The following RBMS2 variants were observed in gnomAD, a reference collection of about 807,000 sequenced individuals.
RBMS2 encodes the protein RNA binding motif single stranded interacting protein 2, also known as RNA-binding motif, single-stranded-interacting protein 2.
Under a neutral mutation model 58.4 loss-of-function variants are expected in RBMS2, and 38 were observed. That is an observed-to-expected ratio of 0.65 (90% confidence interval 0.50 to 0.85). The LOEUF (loss-of-function observed/expected upper bound fraction) is 0.85, where lower values mean the gene tolerates loss of function less well. Among genes scored for constraint, RBMS2 ranks in the 40% least tolerant of loss-of-function variants. The probability of loss-of-function intolerance (pLI) is 0.00; values close to 1 mark genes in which losing one functional copy is unlikely to be tolerated. For missense variants in RBMS2, 367 were observed against 503.7 expected (o/e 0.73, Z 2.60); for synonymous variants, 151 against 180.7 (o/e 0.84, Z 1.32).
At chr12:56,546,365 T>C (rs1478496160) in intron 1 of RBMS2, among the ~76,000 whole-genome samples, 1 of 138,474 alleles carries the variant, frequency 7.2e-6, no homozygotes, top group African/African-American at 2.8e-5. Context: ...ATGTACAATA[T>C]ATTGTACATT....
intron 1 of RBMS2, among the ~76,000 whole-genome samples, chr12:56,542,008 G>A (rs1051015430): frequency 6.6e-6 from 1 of 151,994 alleles, no homozygotes; most frequent in Non-Finnish European, 1.5e-5. Context: ...AGATTCTCTT[G>A]ATTGGGTTCC....
chr12:56,552,263 C>T (rs1344201212), intron 1 of RBMS2, among the ~76,000 whole-genome samples: 1 of 152,194 alleles, frequency 6.6e-6, no homozygotes, highest in African/African-American at 2.4e-5. Context: ...GGGAAGTAGT[C>T]TCAAGGCTGG....
At position 56,570,007 on chromosome 12, in the gene RBMS2, A is replaced by T; in HGVS notation, c.384+17A>T. The T allele has an allele frequency of 6.3e-7, 1 of 1,588,920 alleles. No individual in the cohort carries two copies. ...ATGGCAAAGGTAAGGGTACTACCCC[A>T]TGTCTGTTCCTCCAAGGGGTTTGTG... On this transcript the variant is annotated intron_variant, in intron 4 of 13. Coordinates refer to ENST00000262031, the MANE Select transcript of RBMS2 (RefSeq NM_002898.4).
At chr12:56,575,530 A>C (rs1467641027) in intron 5 of RBMS2, among the ~76,000 whole-genome samples, 4 of 151,108 alleles carry the variant, frequency 2.6e-5, no homozygotes, top group Non-Finnish European at 4.4e-5. Context: ...TAGGACCCCC[A>C]GCCACTTCCT....
intron 5 of RBMS2, among the ~76,000 whole-genome samples, chr12:56,575,949 TG>T: frequency 6.6e-6 from 1 of 152,096 alleles, no homozygotes; most frequent in Middle Eastern, 3.4e-3. Flanking sequence ...TTACTTTCTA[TG>T]GTTTCAGTTA....
chr12:56,579,358 C>T (rs1039989704), intron 5 of RBMS2, among the ~76,000 whole-genome samples: 4 of 151,812 alleles, frequency 2.6e-5, no homozygotes, highest in African/African-American at 4.8e-5. Flanking sequence ...TGGCTGGTTG[C>T]GGTGACTCAT....
At chr12:56,560,241 A>G (rs1409588007) in intron 1 of RBMS2, among the ~76,000 whole-genome samples, 1 of 147,036 alleles carries the variant, frequency 6.8e-6, no homozygotes, top group African/African-American at 2.5e-5. Context: ...TGAAATATAT[A>G]TTTATCACAA....
At position 56,594,664 on chromosome 12, in the gene RBMS2, C is replaced by T. The variant is rs1885576620; in HGVS notation, c.*5531C>T. On this transcript the variant is annotated 3_prime_UTR_variant, in exon 14 of 14. Transcript: ENST00000262031. ...CTAAAACCAGACTGTGAGCTTCTGT[C>T]TCCGTTCTGATTTTTGCTGCACCTC... The T allele has an allele frequency of 6.6e-6, 1 of 152,184 alleles. No homozygotes were observed. The highest frequency in any genetic ancestry group is 1.5e-5 in the Non-Finnish European group (1 of 68,050). The allele number at this position is 152,184 out of a possible 1,614,324, so 9.4% of individuals were successfully genotyped here.
In RBMS2 at chr12:56,548,289, A is replaced by G. The variant is rs1346456292; in HGVS notation, c.67-14128A>G. 2.0e-5 allele frequency among the ~76,000 whole-genome samples: 3 copies of G among 152,150 alleles called. No individual in the cohort carries two copies. The South Asian group carries it at 6.2e-4, about 32-fold the overall frequency. ...TGGTGAAACCCCATCTCTACTAAAAATACAAAAATTAGCCGGGCATGGTGG... is the reference window on the plus strand; with the variant it reads ...TGGTGAAACCCCATCTCTACTAAAAGTACAAAAATTAGCCGGGCATGGTGG... On this transcript the variant is annotated intron_variant, in intron 1 of 13. Transcript: ENST00000262031.
At chr12:56,588,880 G>A (rs1338740744) in intron 12 of RBMS2, 52 bp from the exon 13 acceptor site, 1 of 1,574,378 alleles carries the variant, frequency 6.4e-7, no homozygotes, top group Non-Finnish European at 8.7e-7. Context: ...TGCTGTAGTG[G>A]AGGTGAGGAA....
At chr12:56,569,804 A>G (rs111944222) in intron 3 of RBMS2, 95 bp from the exon 4 acceptor site, 2 of 1,066,516 alleles carry the variant, frequency 1.9e-6, no homozygotes, top group Admixed American at 2.0e-5. Context: ...TTTCTGTTAC[A>G]TGGATCATAA....
chr12:56,551,134 A>G (rs200030500), intron 1 of RBMS2, among the ~76,000 whole-genome samples: 1,196 of 65,452 alleles, frequency 0.018, 16 homozygotes, highest in African/African-American at 0.056. Context: ...AAAAAAAAAG[A>G]AAAAAAAAAG....
rs543113055 is a variant in RBMS2, at chr12:56,589,464, G to A, written c.*331G>A. On this transcript the variant is annotated 3_prime_UTR_variant, in exon 14 of 14. Transcript: ENST00000262031. ...TCCCCTACCTTGAAGAGACATGGTGGTCGCAGCTTCTCATCTATATGAAAA... is the reference window on the plus strand; with the variant it reads ...TCCCCTACCTTGAAGAGACATGGTGATCGCAGCTTCTCATCTATATGAAAA... The A allele has an allele frequency of 5.8e-6, 2 of 343,618 alleles. No homozygotes were observed. The highest frequency in any genetic ancestry group is 4.4e-5 in the African/African-American group (2 of 45,320). 21.3% of individuals were successfully genotyped at this position (343,618 alleles called of 1,614,324 possible). A position where few individuals can be genotyped will look rare whatever the true frequency, so the allele number is the denominator to read the frequency against.
Position 56,581,878 on chromosome 12 carries a change from G to A in RBMS2, c.778G>A (p.Gly260Arg), listed in dbSNP as rs1437075052. Residue 260 changes from glycine (G) to arginine (R), a missense_variant and splice_region_variant, in exon 8 of 14, where the codon GGG becomes AGG. By Grantham distance (125) the Gly-to-Arg change is moderately radical (BLOSUM62 -2). This residue lies in a region of RBMS2 where 220 missense variants were observed against 261.1 expected (regional missense o/e 0.84). Coordinates refer to ENST00000262031, the MANE Select transcript of RBMS2 (RefSeq NM_002898.4). ...TYDPTTALQN[G>R]FYPAPYNITP... ...TGACCCCACCACAGCTCTTCAGAAT[G>A]GGTAAGGTTTTATATAATCAAGCCA... 3 of 1,614,082 alleles carry A rather than the reference G, an allele frequency of 1.9e-6. No individual in the cohort carries two copies. The highest frequency in any genetic ancestry group is 2.2e-5 in the South Asian group (2 of 91,070).
rs1885354058 is a variant in RBMS2 at position 56,592,243 on chromosome 12, C to T, written c.*3110C>T. On this transcript the variant is annotated 3_prime_UTR_variant, in exon 14 of 14. Transcript: ENST00000262031. ...TTGTACTTTACATCTCACCCCCACT[C>T]ATTACAGATGCTCATAACATTCTTA... The T allele has an allele frequency of 6.6e-6, 1 of 152,234 alleles. No homozygotes were observed. The highest frequency in any genetic ancestry group is 2.4e-5 in the African/African-American group (1 of 41,454). 9.4% of individuals were successfully genotyped at this position (152,234 alleles called of 1,614,324 possible).
chr12:56,558,555 CCCTT>C (rs1490158401), intron 1 of RBMS2, among the ~76,000 whole-genome samples: 100 of 121,844 alleles, frequency 8.2e-4, no homozygotes, highest in African/African-American at 2.2e-3. Context: ...CTCCCTCCCT[CCCTT>C]CCTTCCTTCT....
At chr12:56,570,117 T>C (rs1254097648) in intron 4 of RBMS2, 127 bp downstream of exon 4, 1 of 790,546 alleles carries the variant, frequency 1.3e-6, no homozygotes. Context: ...CGTGGTGCTT[T>C]CTAGACAGTC....
intron 1 of RBMS2, among the ~76,000 whole-genome samples, chr12:56,553,348 G>A (rs975998403): frequency 6.6e-6 from 1 of 151,048 alleles, no homozygotes; most frequent in Non-Finnish European, 1.5e-5. Flanking sequence ...GTGTGTGTAT[G>A]TGATAAAGAT....
chr12:56,588,845 G>A lies in RBMS2; in HGVS notation c.1144-87G>A, dbSNP rs577940392. On this transcript the variant is annotated intron_variant, in intron 12 of 13. Transcript: ENST00000262031. ...AGTGGGTAGGTTTGGGAGGGCACTC[G>A]ATGTAGGGTGGGCTTTGGTCAGGCT... 71 of 1,290,256 alleles carry A rather than the reference G, an allele frequency of 5.5e-5. 1 individual carries two copies. The highest frequency in any genetic ancestry group is 3.1e-4 in the South Asian group (25 of 80,786). The allele number at this position is 1,290,256 out of a possible 1,614,324, so 79.9% of individuals were successfully genotyped here.
Sources: allele counts gnomAD v4.1 joint callset (sites outside exome capture counted in the v4.1 genomes callset), GRCh38; gene constraint gnomAD v4.1.1; regional missense constraint gnomAD v4.1.1; transcripts MANE v1.5; gene names NCBI Gene and HGNC (gene_info 2026-07-23, HGNC 2026-07-21).